Variants in PDGFRB observed in about 807,000 individuals in gnomAD.
PDGFRB encodes the protein platelet-derived growth factor receptor beta.
PDGFRB carries 42 observed loss-of-function variants against 120.2 expected under a neutral mutation model. The ratio of observed to expected loss-of-function variants is 0.35; its 90% confidence interval spans 0.27 to 0.45. PDGFRB has a LOEUF of 0.45. Among genes scored for constraint, PDGFRB ranks in the 20% least tolerant of loss-of-function variants. The probability of loss-of-function intolerance (pLI) is 1.00; values close to 1 mark genes in which losing one functional copy is unlikely to be tolerated. For synonymous variants in PDGFRB, 586 were observed against 606.8 expected (o/e 0.97, Z 0.50); for missense variants, 1,149 against 1,476.3 (o/e 0.78, Z 3.63).
At chr5:150,146,222 C>T (rs1420755510) in intron 1 of PDGFRB, among the ~76,000 whole-genome samples, 1 of 152,222 alleles carries the variant, frequency 6.6e-6, no homozygotes, top group East Asian at 1.9e-4. Flanking sequence ...GTATTCTCTG[C>T]TTATTGGTCT....
intron 1 of PDGFRB, among the ~76,000 whole-genome samples, chr5:150,149,969 G>A (rs1238445023): frequency 6.6e-6 from 1 of 152,208 alleles, no homozygotes; most frequent in Non-Finnish European, 1.5e-5. Flanking sequence ...ACCTCTGGGG[G>A]CCACTAAACT....
chr5:150,155,516 G>T lies in PDGFRB; in HGVS notation c.-126C>A, dbSNP rs990251537. The T allele has an allele frequency of 2.5e-6, 1 of 398,500 alleles. No homozygotes were observed. Among genetic ancestry groups the T allele is most frequent in the African/African-American group, 2.1e-5 (1 of 48,584 alleles). The allele number at this position is 398,500 out of a possible 1,614,324, so 24.7% of individuals were successfully genotyped here. On this transcript the variant is annotated 5_prime_UTR_variant, in exon 1 of 23. Transcript: ENST00000261799. ...AGAAAGACTGCTGGTCCCAGAGTGG[G>T]TAACAGCTGAGTAGAAGGACAGGCA...
At chr5:150,136,420 C>T (rs1174341367) in intron 2 of PDGFRB, among the ~76,000 whole-genome samples, 1 of 152,126 alleles carries the variant, frequency 6.6e-6, no homozygotes, top group Non-Finnish European at 1.5e-5. Context: ...TGATTGGTCC[C>T]CCTCCACGAC....
rs888526507 is a variant in PDGFRB at position 150,115,908 on chromosome 5, G to A, written c.3176C>T (p.Ser1059Phe). The change falls in exon 23 of 23, where the codon TCC (serine) becomes TTC (phenylalanine). Residue 1059 changes from serine to phenylalanine, a missense_variant. Physicochemically the swap from Ser to Phe is radical, Grantham distance 155. Around this residue, in one of 3 missense-constraint regions of PDGFRB, gnomAD observed 202 missense variants for 214.3 expected, o/e 0.94. Coordinates refer to ENST00000261799, the MANE Select transcript of PDGFRB (RefSeq NM_002609.4). ...CTGGGGCTCCAGGGGGCTGTCACAG[G>A]AGATGGTTGAGGAGGTGTTGACTTC... The part of the protein sequence containing the change: ...LNEVNTSSTI[S>F]CDSPLEPQDE... 2.1e-5 allele frequency: 33 copies of A among 1,597,132 alleles called. No homozygotes were observed. Among genetic ancestry groups the A allele is most frequent in the Non-Finnish European group, 2.6e-5 (30 of 1,170,642 alleles).
rs246392 is a variant in PDGFRB at position 150,118,109 on chromosome 5, C to T, written c.2905-259G>A. On this transcript the variant is annotated intron_variant, in intron 21 of 22. Transcript: ENST00000261799. ...CAGGACTCTAACTCTTCCCCCACTTCAGAGCAGACAGGCACAGGCTCTCAT... is the reference window on the plus strand; with the variant it reads ...CAGGACTCTAACTCTTCCCCCACTTTAGAGCAGACAGGCACAGGCTCTCAT... Among the ~76,000 whole-genome samples, 34,137 of 152,094 alleles carry T rather than the reference C, an allele frequency of 0.22. 4,531 individuals are homozygous for T. Among genetic ancestry groups the T allele is most frequent in the Middle Eastern group, 0.36 (107 of 294 alleles).
chr5:150,151,658 G>A lies in PDGFRB; in HGVS notation c.-7+3739C>T, dbSNP rs191859354. Among the ~76,000 whole-genome samples, 26 of 152,084 alleles carry A rather than the reference G, an allele frequency of 1.7e-4. No individual in the cohort carries two copies. The East Asian group carries it at 4.7e-3, about 27-fold the overall frequency. On this transcript the variant is annotated intron_variant, in intron 1 of 22. Coordinates refer to ENST00000261799, the MANE Select transcript of PDGFRB (RefSeq NM_002609.4). ...CGGATCACTTGAGGTCAGGTAGTTC[G>A]AGACCAGCCTGGCCAACACGGTGAA...
intron 1 of PDGFRB, among the ~76,000 whole-genome samples, chr5:150,138,494 C>T (rs1391123822): frequency 6.6e-6 from 1 of 152,218 alleles, no homozygotes; most frequent in East Asian, 1.9e-4. Flanking sequence ...CGCCTATGGA[C>T]CCCCAATCTT....
chr5:150,121,840 C>G lies in PDGFRB; in HGVS notation c.2344+40G>C, dbSNP rs1404424780. ...GGCTGGGCATGTGAAGAGCATCAGC[C>G]TGTTTGGATGTGGGGTACTATGTCA... On this transcript the variant is annotated intron_variant, in intron 16 of 22. Coordinates refer to ENST00000261799, the MANE Select transcript of PDGFRB (RefSeq NM_002609.4). The surrounding 1 kb of genome is among the most constrained non-coding windows in gnomAD (Gnocchi z 4.1). The G allele has an allele frequency of 1.3e-6, 2 of 1,496,408 alleles. No homozygotes were observed. The highest frequency in any genetic ancestry group is 1.4e-5 in the African/African-American group (1 of 72,758). 92.7% of individuals were successfully genotyped at this position (1,496,408 alleles called of 1,614,324 possible).
At position 150,121,811 on chromosome 5, in the gene PDGFRB, G is replaced by T; in HGVS notation, c.2344+69C>A. 8.1e-7 allele frequency: 1 copy of T among 1,232,754 alleles called. No homozygotes were observed. The highest frequency in any genetic ancestry group is 1.2e-6 in the Non-Finnish European group (1 of 852,110). The allele number at this position is 1,232,754 out of a possible 1,614,324, so 76.4% of individuals were successfully genotyped here. A position where few individuals can be genotyped will look rare whatever the true frequency, so the allele number is the denominator to read the frequency against. ...GGCTCCCTTCTTCTCAGGGTTTTTG[G>T]CAAGGCTGGGCATGTGAAGAGCATC... On this transcript the variant is annotated intron_variant, in intron 16 of 22. Coordinates refer to ENST00000261799, the MANE Select transcript of PDGFRB (RefSeq NM_002609.4). This position sits in a 1 kb window ranked among gnomAD's most constrained non-coding sequence, Gnocchi z 4.1.
intron 6 of PDGFRB, 145 bp downstream of exon 6, chr5:150,133,441 G>A (rs553044840): frequency 6.7e-5 from 48 of 718,718 alleles, no homozygotes; most frequent in Admixed American, 2.9e-4. Flanking sequence ...ACTATACCCC[G>A]GGGCTGTGAC....
chr5:150,141,127 T>C (rs968507567), intron 1 of PDGFRB, among the ~76,000 whole-genome samples: 1 of 152,196 alleles, frequency 6.6e-6, no homozygotes, highest in Non-Finnish European at 1.5e-5. Context: ...CAAGAGGCCA[T>C]GTGGGTGCCA....
At chr5:150,135,337 G>C (rs759877667) in intron 3 of PDGFRB, among the ~76,000 whole-genome samples, 12 of 152,176 alleles carry the variant, frequency 7.9e-5, no homozygotes, top group Non-Finnish European at 8.8e-5. Flanking sequence ...GAGTTCTTGG[G>C]AGGCAGGAAT....
intron 10 of PDGFRB, 58 bp from the exon 11 acceptor site, chr5:150,126,672 C>T (rs908116915): frequency 3.7e-5 from 33 of 894,690 alleles, no homozygotes; most frequent in Non-Finnish European, 5.9e-5. Context: ...CTCCCCTCAC[C>T]CCATCTTTGG....
chr5:150,136,153 G>T (rs1277908908), intron 2 of PDGFRB, among the ~76,000 whole-genome samples: 2 of 152,228 alleles, frequency 1.3e-5, no homozygotes, highest in African/African-American at 2.4e-5. Flanking sequence ...GGCACCAGAA[G>T]GGGCCAGGAA....
rs1760492742 is a variant in PDGFRB, at chr5:150,132,444, G to C, written c.1127+306C>G. Among the ~76,000 whole-genome samples the C allele has an allele frequency of 6.6e-6, 1 of 152,210 alleles. No individual in the cohort carries two copies. Among genetic ancestry groups the C allele is most frequent in the Non-Finnish European group, 1.5e-5 (1 of 68,034 alleles). ...TCAGGGATACCACAGGCCATGAGTG[G>C]CCTGCCTGGCACCCTCTTCCCCAGT... On this transcript the variant is annotated intron_variant, in intron 7 of 22. Coordinates refer to ENST00000261799, the MANE Select transcript of PDGFRB (RefSeq NM_002609.4). The surrounding 1 kb of genome is among the most constrained non-coding windows in gnomAD (Gnocchi z 5.0).
intron 22 of PDGFRB, among the ~76,000 whole-genome samples, chr5:150,116,834 C>T (rs911298944): frequency 6.6e-6 from 1 of 152,052 alleles, no homozygotes; most frequent in African/African-American, 2.4e-5. Context: ...CTTCTAAGGC[C>T]GGTGTGCACT....
chr5:150,134,702 A>T (rs1321190932), intron 4 of PDGFRB, 48 bp downstream of exon 4: 1 of 1,539,534 alleles, frequency 6.5e-7, no homozygotes. Flanking sequence ...TCCTCTGTGG[A>T]GGGTTATACT....
At chr5:150,119,683 C>A in intron 19 of PDGFRB, 117 bp from the exon 20 acceptor site, 1 of 691,798 alleles carries the variant, frequency 1.4e-6, no homozygotes, top group Non-Finnish European at 2.6e-6. Context: ...GGGGGCAGTG[C>A]CCCTGGCATT....
Position 150,130,478 on chromosome 5 carries a change from C to T in PDGFRB, c.1367+61G>A, listed in dbSNP as rs1760431821. On this transcript the variant is annotated intron_variant, in intron 9 of 22. Coordinates refer to ENST00000261799, the MANE Select transcript of PDGFRB (RefSeq NM_002609.4). The stretch of plus-strand genomic sequence containing the variant: ...AGAAGAACGGGCGGGACTAGATAAC[C>T]TTCACGAGCTTTTTCTAGCCAGCTG... The T allele has an allele frequency of 7.7e-6, 12 of 1,556,748 alleles. No homozygotes were observed. In the Middle Eastern group the frequency reaches 1.0e-3, roughly 131 times the overall value.
Sources: gnomAD v4.1 joint callset for allele counts (sites outside exome capture counted in the v4.1 genomes callset) on GRCh38, gnomAD v4.1.1 for gene constraint, gnomAD v4.1.1 regional missense constraint, Gnocchi (gnomAD v3.1) non-coding constraint, MANE v1.5 for transcripts, NCBI Gene and HGNC (gene_info 2026-07-23, HGNC 2026-07-21) for gene names.